PTER: variants seen among roughly 807,000 people sequenced by gnomAD.
PTER encodes the protein phosphotriesterase related.
In PTER, 38 loss-of-function variants were observed where a neutral mutation model predicts 29.6. The observed-to-expected ratio is 1.28, with a 90% CI of 0.99 to 1.68. The LOEUF (loss-of-function observed/expected upper bound fraction) is 1.68. Among genes scored for constraint, PTER ranks in the 40% most tolerant of loss-of-function variants. PTER has a pLI of 0.00. For missense variants in PTER, 482 were observed against 427.8 expected (o/e 1.13, Z -1.12); for synonymous variants, 172 against 154.5 (o/e 1.11, Z -0.84).
chr10:16,472,538 C>T lies in PTER; in HGVS notation c.-48-11799C>T, dbSNP rs560150032. Among the ~76,000 whole-genome samples the T allele has an allele frequency of 1.5e-4, 23 of 152,186 alleles. No individual in the cohort carries two copies. The South Asian group carries it at 4.4e-3, about 29-fold the overall frequency. ...AGTCATGGCTTTGTTCCTCATTTGC[C>T]GTCCGCCATGATTGAGAGTCCTCCC... On this transcript the variant is annotated intron_variant, in intron 1 of 4. Transcript: ENST00000535784.
chr10:16,483,524 T>G (rs1275994687), intron 1 of PTER, among the ~76,000 whole-genome samples: 2 of 152,140 alleles, frequency 1.3e-5, no homozygotes, highest in Admixed American at 1.3e-4. Flanking sequence ...AACAGAAATT[T>G]GTTTGCTTGG....
chr10:16,488,260 C>T (rs1307059208), intron 3 of PTER, among the ~76,000 whole-genome samples: 1 of 152,086 alleles, frequency 6.6e-6, no homozygotes, highest in African/African-American at 2.4e-5. Flanking sequence ...TCTTTGGACC[C>T]AGTGAGAACT....
At chr10:16,509,819 C>A (rs1564413136) in intron 4 of PTER, among the ~76,000 whole-genome samples, 1 of 152,190 alleles carries the variant, frequency 6.6e-6, no homozygotes, top group Admixed American at 6.5e-5. Context: ...TGGTTCTTCT[C>A]TGCTAGTGCT....
intron 3 of PTER, among the ~76,000 whole-genome samples, chr10:16,501,373 A>ATG (rs763595257): frequency 1.7e-4 from 24 of 143,836 alleles, no homozygotes; most frequent in East Asian, 2.2e-4. Flanking sequence ...ACACACATGC[A>ATG]CACACACACA....
chr10:16,446,255 G>T (rs987930564), intron 1 of PTER, among the ~76,000 whole-genome samples: 1 of 149,104 alleles, frequency 6.7e-6, no homozygotes, highest in Non-Finnish European at 1.5e-5. Flanking sequence ...TTGGTCTGTC[G>T]CCCAGGCTGG....
chr10:16,439,585 CTG>C (rs1375765112), intron 1 of PTER, among the ~76,000 whole-genome samples: 2 of 152,202 alleles, frequency 1.3e-5, no homozygotes, highest in African/African-American at 4.8e-5. Flanking sequence ...AAATGATGAA[CTG>C]TATAGCATGA....
At chr10:16,493,762 CAG>C (rs890100228) in intron 3 of PTER, among the ~76,000 whole-genome samples, 5 of 151,894 alleles carry the variant, frequency 3.3e-5, no homozygotes, top group Admixed American at 2.6e-4. Flanking sequence ...AAAAAGGAAA[CAG>C]AAAGAAATCC....
intron 1 of PTER, among the ~76,000 whole-genome samples, chr10:16,438,667 C>T (rs1833743051): frequency 6.6e-6 from 1 of 150,512 alleles, no homozygotes; most frequent in African/African-American, 2.4e-5. Flanking sequence ...GTGGCTCACA[C>T]CTGTAATCCC....
intron 4 of PTER, among the ~76,000 whole-genome samples, chr10:16,509,376 T>C (rs1171732677): frequency 1.3e-5 from 2 of 152,230 alleles, no homozygotes; most frequent in African/African-American, 4.8e-5. Flanking sequence ...CTATACTCTT[T>C]CATTCTACTT....
At chr10:16,469,761 A>G (rs1445105255) in intron 1 of PTER, among the ~76,000 whole-genome samples, 1 of 152,022 alleles carries the variant, frequency 6.6e-6, no homozygotes, top group Non-Finnish European at 1.5e-5. Context: ...TTGTTTTTCT[A>G]GAGATGAGGT....
chr10:16,511,681 A>G lies in PTER; in HGVS notation c.*425A>G, dbSNP rs1039770221. On this transcript the variant is annotated 3_prime_UTR_variant, in exon 5 of 5. Coordinates refer to ENST00000535784, the MANE Select transcript of PTER (RefSeq NM_001261836.2). ...TAATTATCCTGCTGTTCTTTAATTAATGCTTAATGAATAATATGGCACTGT... is the reference window on the plus strand; with the variant it reads ...TAATTATCCTGCTGTTCTTTAATTAGTGCTTAATGAATAATATGGCACTGT... 1.2e-5 allele frequency: 2 copies of G among 172,942 alleles called. No homozygotes were observed. Among genetic ancestry groups the G allele is most frequent in the Non-Finnish European group, 2.6e-5 (2 of 78,352 alleles). The allele number at this position is 172,942 out of a possible 1,614,324, so 10.7% of individuals were successfully genotyped here.
intron 4 of PTER, among the ~76,000 whole-genome samples, chr10:16,508,509 A>G (rs879795034): frequency 6.6e-6 from 1 of 152,052 alleles, no homozygotes; most frequent in Admixed American, 6.5e-5. Flanking sequence ...CTTCTAGAAC[A>G]AGAGAAAGAA....
chr10:16,465,429 G>C (rs1211758560), intron 1 of PTER, among the ~76,000 whole-genome samples: 2 of 152,134 alleles, frequency 1.3e-5, no homozygotes, highest in East Asian at 1.9e-4. Context: ...TGATTTCCTT[G>C]AATTCCCTTC....
chr10:16,443,936 G>T (rs146256796), intron 1 of PTER, among the ~76,000 whole-genome samples: 3 of 151,660 alleles, frequency 2.0e-5, no homozygotes, highest in African/African-American at 7.3e-5. Context: ...CAATTATCAC[G>T]ATACTATCAA....
At chr10:16,509,143 T>C (rs1836712778) in intron 4 of PTER, among the ~76,000 whole-genome samples, 1 of 152,170 alleles carries the variant, frequency 6.6e-6, no homozygotes, top group East Asian at 1.9e-4. Flanking sequence ...CTGTAGTGGC[T>C]CCCCCTTTTC....
At chr10:16,514,725 G>A (rs1232417364), downstream of PTER, 1 of 1,579,244 alleles carries the variant, frequency 6.3e-7, no homozygotes. Context: ...AAACAGACAA[G>A]AATTAGGATG....
intron 1 of PTER, among the ~76,000 whole-genome samples, chr10:16,481,506 A>G (rs1218793750): frequency 6.6e-6 from 1 of 152,174 alleles, no homozygotes; most frequent in Non-Finnish European, 1.5e-5. Flanking sequence ...TCCAGCTTAG[A>G]GCAATGTTGG....
Position 16,511,095 on chromosome 10 carries a change from CAT to C in PTER, c.890_891del (p.His297ArgfsTer26). ...EGCEDRILVAHDIHTKTRLMK... is the reference protein window; with the variant it reads ...EGCEDRILVAXDIHTKTRLMK... ...CTGTGAAGATCGAATTCTGGTAGCA[CAT>C]GACATACATACGAAAACCCGGCTGA... On this transcript the variant is annotated frameshift_variant, in exon 5 of 5. Transcript: ENST00000535784. LOFTEE classifies it high-confidence loss of function. 1 of 1,614,052 alleles carries C rather than the reference CAT, an allele frequency of 6.2e-7. No individual in the cohort carries two copies. The highest frequency in any genetic ancestry group is 1.7e-4 in the Middle Eastern group (1 of 6,060).
chr10:16,490,232 G>C (rs937325501), intron 3 of PTER, among the ~76,000 whole-genome samples: 9 of 152,140 alleles, frequency 5.9e-5, no homozygotes, highest in Admixed American at 5.9e-4. Context: ...ACCGAAAGTG[G>C]AAAACGGAAT....
Sources: gnomAD v4.1 joint callset for allele counts (sites outside exome capture counted in the v4.1 genomes callset) on GRCh38, gnomAD v4.1.1 for gene constraint, MANE v1.5 for transcripts, NCBI Gene and HGNC (gene_info 2026-07-23, HGNC 2026-07-21) for gene names.